Variants in AUTS2 observed in about 807,000 individuals in gnomAD.
AUTS2 encodes the protein activator of transcription and developmental regulator AUTS2.
A neutral mutation model predicts 112.4 loss-of-function variants in AUTS2; 17 were observed. The ratio of observed to expected loss-of-function variants is 0.15; its 90% CI spans 0.10 to 0.23. AUTS2 has a LOEUF of 0.23. Ranked by LOEUF, AUTS2 falls within the 10% of genes least tolerant of loss-of-function variation. AUTS2 has a pLI of 1.00. For missense variants in AUTS2, 1,510 were observed against 1,701.6 expected (o/e 0.89, Z 1.98); for synonymous variants, 751 against 702.7 (o/e 1.07, Z -1.09).
At chr7:69,792,482 A>T (rs1033959704) in intron 1 of AUTS2, among the ~76,000 whole-genome samples, 1 of 151,800 alleles carries the variant, frequency 6.6e-6, no homozygotes, top group South Asian at 2.1e-4. Flanking sequence ...CTCGTGATCC[A>T]CCCGCCTCAG....
At chr7:70,264,151 G>C (rs1787300611) in intron 4 of AUTS2, among the ~76,000 whole-genome samples, 1 of 152,142 alleles carries the variant, frequency 6.6e-6, no homozygotes, top group Non-Finnish European at 1.5e-5. Context: ...TCTTCCTAGA[G>C]ACGTTTCCTC....
At chr7:70,633,265 C>G (rs942612074) in intron 5 of AUTS2, among the ~76,000 whole-genome samples, 2 of 152,192 alleles carry the variant, frequency 1.3e-5, no homozygotes, top group African/African-American at 2.4e-5. Flanking sequence ...CAGCACAGCT[C>G]ACTCACCCAT....
intron 1 of AUTS2, among the ~76,000 whole-genome samples, chr7:69,762,368 ACTAT>A (rs1259486795): frequency 1.6e-5 from 2 of 123,902 alleles, no homozygotes; most frequent in African/African-American, 3.2e-5. Flanking sequence ...GTGCAATGGC[ACTAT>A]CTCGGTTCAC....
intron 2 of AUTS2, among the ~76,000 whole-genome samples, chr7:70,023,618 G>A (rs770934833): frequency 7.9e-5 from 12 of 152,144 alleles, no homozygotes; most frequent in South Asian, 2.1e-4. Context: ...ACTTACAACT[G>A]TTTTATTTAT....
intron 1 of AUTS2, among the ~76,000 whole-genome samples, chr7:69,693,848 C>T (rs549180008): frequency 2.0e-5 from 3 of 152,282 alleles, no homozygotes; most frequent in African/African-American, 4.8e-5. Flanking sequence ...CCAGCAGCAT[C>T]CCTTGGGAAT....
In AUTS2 at chr7:69,599,101, C is replaced by A. The variant is rs1280658071; in HGVS notation, c.-553C>A. ...GTGTGAGAGGCGGCGGGGGTGTTTT[C>A]CTGCGCGAGGGGCGGGTGAAGTTCA... On this transcript the variant is annotated 5_prime_UTR_variant, in exon 1 of 19. Transcript: ENST00000342771. This position sits in a 1 kb window ranked among gnomAD's most constrained non-coding sequence, Gnocchi z 7.0. 6.7e-6 allele frequency: 1 copy of A among 149,944 alleles called. No homozygotes were observed. Among genetic ancestry groups the A allele is most frequent in the African/African-American group, 2.5e-5 (1 of 40,680 alleles). 9.3% of individuals were successfully genotyped at this position (149,944 alleles called of 1,614,324 possible). A position where few individuals can be genotyped will look rare whatever the true frequency, so the allele number is the denominator to read the frequency against.
intron 5 of AUTS2, among the ~76,000 whole-genome samples, chr7:70,535,116 C>T (rs1800265879): frequency 6.6e-6 from 1 of 151,238 alleles, no homozygotes. Context: ...GGCTAGTAAG[C>T]TGTGTGACCT....
intron 1 of AUTS2, among the ~76,000 whole-genome samples, chr7:69,648,455 A>T (rs1022715332): frequency 2.7e-5 from 3 of 112,840 alleles, no homozygotes; most frequent in Non-Finnish European, 5.4e-5. Context: ...CAGTAACTTT[A>T]AAAAAAAAAA....
chr7:70,349,321 T>C (rs1256575976), intron 4 of AUTS2, among the ~76,000 whole-genome samples: 1 of 147,864 alleles, frequency 6.8e-6, no homozygotes, highest in Non-Finnish European at 1.5e-5. Flanking sequence ...ACTAGAATAA[T>C]AGAATTTTTA....
rs80283448 is a variant in AUTS2 at position 70,786,262 on chromosome 7, C to T, written c.2308+224C>T. 4.3e-3 allele frequency among the ~76,000 whole-genome samples: 662 copies of T among 152,274 alleles called. 3 individuals carry two copies. Among genetic ancestry groups the T allele is most frequent in the African/African-American group, 0.015 (643 of 41,538 alleles). On this transcript the variant is annotated intron_variant, in intron 17 of 18. Transcript: ENST00000342771. ...GCTATCCAGTTCTGAGGGGCAGGAA[C>T]GGCAGTGTAGTTGATGACCACAGAA...
intron 4 of AUTS2, among the ~76,000 whole-genome samples, chr7:70,186,792 C>T (rs940163157): frequency 5.9e-4 from 90 of 152,308 alleles, no homozygotes; most frequent in African/African-American, 2.0e-3. Context: ...TGGTCCTGAA[C>T]TCCTGACCTC....
intron 2 of AUTS2, among the ~76,000 whole-genome samples, chr7:69,938,544 A>G (rs1158537739): frequency 6.6e-6 from 1 of 152,250 alleles, no homozygotes; most frequent in Non-Finnish European, 1.5e-5. Flanking sequence ...ATCTCAAGAC[A>G]TGACCTTGCC....
At chr7:70,761,682 A>T (rs570024757) in intron 6 of AUTS2, among the ~76,000 whole-genome samples, 9 of 152,344 alleles carry the variant, frequency 5.9e-5, no homozygotes, top group African/African-American at 2.2e-4. Context: ...TAATCAAGCC[A>T]TTCTACTAAA....
chr7:69,771,437 C>T (rs1485099201), intron 1 of AUTS2, among the ~76,000 whole-genome samples: 1 of 152,138 alleles, frequency 6.6e-6, no homozygotes, highest in Non-Finnish European at 1.5e-5. Context: ...AGTGAATAAA[C>T]ATTGCTTCTG....
chr7:70,381,366 G>A (rs912817703), intron 4 of AUTS2, among the ~76,000 whole-genome samples: 3 of 152,124 alleles, frequency 2.0e-5, no homozygotes, highest in African/African-American at 7.2e-5. Flanking sequence ...TCAACCAACT[G>A]TACACTTTAC....
intron 5 of AUTS2, among the ~76,000 whole-genome samples, chr7:70,470,932 T>C (rs1797356643): frequency 6.6e-6 from 1 of 152,150 alleles, no homozygotes; most frequent in Non-Finnish European, 1.5e-5. Context: ...TGGATATCTT[T>C]ACGGGGAATC....
chr7:69,865,717 A>G (rs1030031164), intron 1 of AUTS2, among the ~76,000 whole-genome samples: 8 of 152,090 alleles, frequency 5.3e-5, no homozygotes, highest in African/African-American at 1.9e-4. Flanking sequence ...ATCAAGTCCT[A>G]TTTTGCTGTC....
At chr7:69,776,666 G>T (rs976599425) in intron 1 of AUTS2, among the ~76,000 whole-genome samples, 1 of 152,128 alleles carries the variant, frequency 6.6e-6, no homozygotes, top group Non-Finnish European at 1.5e-5. Context: ...TAGTCCTTCT[G>T]CCTCAGCCTC....
intron 4 of AUTS2, among the ~76,000 whole-genome samples, chr7:70,335,665 G>C (rs900197322): frequency 1.3e-5 from 2 of 152,162 alleles, no homozygotes; most frequent in Admixed American, 6.5e-5. Flanking sequence ...GGCGTCTCTT[G>C]GATAAGAAGG....
Sources: allele counts gnomAD v4.1 joint callset (sites outside exome capture counted in the v4.1 genomes callset), GRCh38; gene constraint gnomAD v4.1.1; non-coding constraint Gnocchi (gnomAD v3.1); transcripts MANE v1.5; gene names NCBI Gene and HGNC (gene_info 2026-07-23, HGNC 2026-07-21).